Variants in PDE3B observed in about 807,000 individuals in gnomAD.
PDE3B encodes phosphodiesterase 3B.
Under a neutral mutation model 116.8 loss-of-function variants are expected in PDE3B, and 66 were observed. The observed-to-expected ratio is 0.56, with a 90% CI of 0.46 to 0.69. The LOEUF (loss-of-function observed/expected upper bound fraction) is 0.69, where lower values mean the gene tolerates loss of function less well. PDE3B is among the 30% of genes least tolerant of loss of function. The pLI is 0.00. For synonymous variants in PDE3B, 595 were observed against 533.6 expected (o/e 1.12, Z -1.59); for missense variants, 1,384 against 1,368.1 (o/e 1.01, Z -0.18).
intron 1 of PDE3B, among the ~76,000 whole-genome samples, chr11:14,714,642 A>G (rs1855822548): frequency 6.6e-6 from 1 of 152,082 alleles, no homozygotes; most frequent in South Asian, 2.1e-4. Context: ...TGATGCCCCA[A>G]GATGGTGCCA....
At chr11:14,667,756 T>G (rs1854221569) in intron 1 of PDE3B, among the ~76,000 whole-genome samples, 1 of 151,404 alleles carries the variant, frequency 6.6e-6, no homozygotes, top group Non-Finnish European at 1.5e-5. Flanking sequence ...AGTTAATGGG[T>G]GCAGCACAGC....
chr11:14,869,396 TA>T, intron 15 of PDE3B, 64 bp from the exon 16 acceptor site: 1 of 1,385,728 alleles, frequency 7.2e-7, no homozygotes, highest in Non-Finnish European at 1.0e-6. Flanking sequence ...AATAGGCACT[TA>T]ATATTTGTTG....
intron 1 of PDE3B, among the ~76,000 whole-genome samples, chr11:14,738,228 C>T (rs982782584): frequency 3.9e-5 from 6 of 152,188 alleles, no homozygotes; most frequent in Non-Finnish European, 8.8e-5. Flanking sequence ...AATTTATACT[C>T]CCACCAACAG....
intron 1 of PDE3B, among the ~76,000 whole-genome samples, chr11:14,716,353 G>A (rs549207316): frequency 6.6e-6 from 1 of 152,012 alleles, no homozygotes; most frequent in East Asian, 1.9e-4. Context: ...AGGGGAGCCC[G>A]CCATTGCCCA....
intron 1 of PDE3B, among the ~76,000 whole-genome samples, chr11:14,660,927 C>T (rs1853883778): frequency 1.3e-5 from 2 of 152,184 alleles, no homozygotes; most frequent in Admixed American, 1.3e-4. Context: ...AAATGCTCAT[C>T]ATCACTGGCC....
chr11:14,861,792 G>C (rs1027795565), intron 14 of PDE3B, among the ~76,000 whole-genome samples: 1 of 152,194 alleles, frequency 6.6e-6, no homozygotes. Flanking sequence ...AGTACACTTG[G>C]AAGAAGGCCA....
chr11:14,897,264 A>G, the PDE3B span, among the ~76,000 whole-genome samples: 2 of 152,222 alleles, frequency 1.3e-5, no homozygotes, highest in Admixed American at 6.5e-5. Flanking sequence ...TTTAACTTTG[A>G]TTATTTAGAA....
rs66919202 is a variant in PDE3B, at chr11:14,749,899, C to CATATATATATAT, written c.979-22035_979-22024dup. On this transcript the variant is annotated intron_variant, in intron 1 of 15. Transcript: ENST00000282096. ...TTATAGATTTAAAATAAATATATCC[C>CATATATATATAT]ATATATATATATATGTATCTTTGTG... Among the ~76,000 whole-genome samples the CATATATATATAT allele has an allele frequency of 1.4e-3, 106 of 77,624 alleles. 15 individuals carry two copies. Among genetic ancestry groups the CATATATATATAT allele is most frequent in the African/African-American group, 3.1e-3 (54 of 17,522 alleles). 50.9% of individuals were successfully genotyped at this position (77,624 alleles called of 152,430 possible). A position where few individuals can be genotyped will look rare whatever the true frequency, so the allele number is the denominator to read the frequency against.
At chr11:14,866,017 C>T (rs1034826901) in intron 14 of PDE3B, among the ~76,000 whole-genome samples, 4 of 152,106 alleles carry the variant, frequency 2.6e-5, no homozygotes, top group East Asian at 1.9e-4. Flanking sequence ...ATCTCCAATA[C>T]GACCTTGGTT....
intron 4 of PDE3B, among the ~76,000 whole-genome samples, chr11:14,790,583 A>G (rs1315048889): frequency 1.3e-5 from 2 of 152,110 alleles, no homozygotes; most frequent in Admixed American, 1.3e-4. Flanking sequence ...ATTGATTACA[A>G]TAGAAACATA....
At chr11:14,879,100 GA>G in the PDE3B span, 5 of 1,606,222 alleles carry the variant, frequency 3.1e-6, no homozygotes, top group African/African-American at 1.3e-5. Context: ...TACGCCCCGT[GA>G]AAGTTCTCTT....
At chr11:14,738,861 C>T (rs1255666146) in intron 1 of PDE3B, among the ~76,000 whole-genome samples, 1 of 152,168 alleles carries the variant, frequency 6.6e-6, no homozygotes, top group Non-Finnish European at 1.5e-5. Context: ...AACAGGATAT[C>T]CTTTCCCCAT....
At chr11:14,788,117 C>G (rs1858266562) in intron 3 of PDE3B, among the ~76,000 whole-genome samples, 1 of 151,790 alleles carries the variant, frequency 6.6e-6, no homozygotes, top group Non-Finnish European at 1.5e-5. Flanking sequence ...CAGGAAGTAA[C>G]CCTTATTCCT....
At position 14,817,251 on chromosome 11, in the gene PDE3B, A is replaced by C. The variant is rs575942075; in HGVS notation, c.1523-932A>C. ...GAATGAACAATGAGAACACTTGGACACAGGGTGGGGAACATCACACACTGG... is the reference window on the plus strand; with the variant it reads ...GAATGAACAATGAGAACACTTGGACCCAGGGTGGGGAACATCACACACTGG... On this transcript the variant is annotated intron_variant, in intron 5 of 15. Coordinates refer to ENST00000282096, the MANE Select transcript of PDE3B (RefSeq NM_000922.4). Among the ~76,000 whole-genome samples the C allele has an allele frequency of 3.3e-5, 5 of 151,956 alleles. No individual in the cohort carries two copies. The South Asian group carries it at 1.0e-3, about 32-fold the overall frequency.
chr11:14,773,937 C>T (rs1297531437), intron 2 of PDE3B: 5 of 152,174 alleles, frequency 3.3e-5, no homozygotes, highest in Non-Finnish European at 7.3e-5. Context: ...GTTTGGCACC[C>T]CCTGTCTTCA....
intron 1 of PDE3B, among the ~76,000 whole-genome samples, chr11:14,724,578 A>G (rs1856226997): frequency 6.6e-6 from 1 of 152,172 alleles, no homozygotes; most frequent in Non-Finnish European, 1.5e-5. Flanking sequence ...GTGTAATGGA[A>G]TTATGTTATT....
At chr11:14,711,546 C>G (rs990862740) in intron 1 of PDE3B, among the ~76,000 whole-genome samples, 1 of 152,150 alleles carries the variant, frequency 6.6e-6, no homozygotes, top group Non-Finnish European at 1.5e-5. Flanking sequence ...GGAGCAGGCA[C>G]ATCATATGGC....
At chr11:14,784,955 C>T (rs905934602) in intron 2 of PDE3B, among the ~76,000 whole-genome samples, 3 of 151,910 alleles carry the variant, frequency 2.0e-5, no homozygotes, top group African/African-American at 4.8e-5. Context: ...GTGTGTGTTC[C>T]ATTTGAATAT....
intron 5 of PDE3B, among the ~76,000 whole-genome samples, chr11:14,811,622 G>GGCTT (rs1859134028): frequency 6.6e-6 from 1 of 152,006 alleles, no homozygotes; most frequent in East Asian, 1.9e-4. Context: ...TTGGCGATGT[G>GGCTT]GGCTCTTTTT....
Sources: allele counts gnomAD v4.1 joint callset (sites outside exome capture counted in the v4.1 genomes callset), GRCh38; gene constraint gnomAD v4.1.1; transcripts MANE v1.5; gene names NCBI Gene and HGNC (gene_info 2026-07-23, HGNC 2026-07-21).